SNTG1: variants seen among roughly 807,000 people sequenced by gnomAD.
SNTG1 encodes gamma-1-syntrophin.
Under a neutral mutation model 74.7 loss-of-function variants are expected in SNTG1, and 39 were observed. The observed-to-expected ratio is 0.52, with a 90% CI of 0.40 to 0.68. The LOEUF is 0.68. Among genes scored for constraint, SNTG1 ranks in the 30% least tolerant of loss-of-function variants. The pLI, the probability that SNTG1 is intolerant of heterozygous loss-of-function variation, is 0.00. For missense variants in SNTG1, 685 were observed against 609.5 expected (o/e 1.12, Z -1.30); for synonymous variants, 254 against 217.1 (o/e 1.17, Z -1.49).
intron 17 of SNTG1, among the ~76,000 whole-genome samples, chr8:50,716,782 G>C (rs1434958203): frequency 6.6e-6 from 1 of 151,160 alleles, no homozygotes; most frequent in African/African-American, 2.4e-5. Context: ...GCCCAGGCTG[G>C]AGTGCAGTGG....
chr8:50,745,010 G>C (rs1458601900), intron 17 of SNTG1, among the ~76,000 whole-genome samples: 1 of 151,964 alleles, frequency 6.6e-6, no homozygotes, highest in Admixed American at 6.6e-5. Context: ...TCTTTGCTAT[G>C]ACGCCGAAAG....
chr8:50,671,538 G>A (rs973611561), intron 15 of SNTG1, among the ~76,000 whole-genome samples: 4 of 152,096 alleles, frequency 2.6e-5, no homozygotes, highest in Non-Finnish European at 4.4e-5. Context: ...AAAAAGTCAG[G>A]AAACAACAGG....
At chr8:50,783,508 A>G (rs4363210) in intron 18 of SNTG1, among the ~76,000 whole-genome samples, 48,876 of 151,962 alleles carry the variant, frequency 0.32, 7,980 homozygotes, top group Middle Eastern at 0.44. Flanking sequence ...AGCCATGTGC[A>G]GGATATAATC....
intron 2 of SNTG1, among the ~76,000 whole-genome samples, chr8:50,242,938 T>C (rs1171474829): frequency 6.6e-6 from 1 of 152,094 alleles, no homozygotes; most frequent in African/African-American, 2.4e-5. Context: ...TGAAATTTTC[T>C]TTGATTCATG....
intron 2 of SNTG1, among the ~76,000 whole-genome samples, chr8:50,301,205 A>C (rs1232482489): frequency 6.6e-6 from 1 of 151,900 alleles, no homozygotes. Flanking sequence ...CTCACATTAC[A>C]CTCATGTCAT....
intron 2 of SNTG1, among the ~76,000 whole-genome samples, chr8:50,245,848 A>T (rs1401347917): frequency 6.6e-6 from 1 of 152,112 alleles, no homozygotes; most frequent in East Asian, 1.9e-4. Context: ...GTCTTGTGGT[A>T]GTCATTATGC....
At chr8:49,986,674 A>T (rs1275601994) in intron 1 of SNTG1, among the ~76,000 whole-genome samples, 2 of 150,168 alleles carry the variant, frequency 1.3e-5, no homozygotes, top group African/African-American at 4.9e-5. Context: ...GGAGTTGGAG[A>T]CCAGCCTGGG....
intron 4 of SNTG1, among the ~76,000 whole-genome samples, chr8:50,427,579 C>A (rs2131501992): frequency 6.6e-6 from 1 of 152,190 alleles, no homozygotes; most frequent in Non-Finnish European, 1.5e-5. Context: ...GTGCATACCA[C>A]CATGCTTAGC....
chr8:50,732,569 T>G (rs984261552), intron 17 of SNTG1, among the ~76,000 whole-genome samples: 1 of 152,022 alleles, frequency 6.6e-6, no homozygotes, highest in Non-Finnish European at 1.5e-5. Flanking sequence ...GTTTAACATA[T>G]TCCTTTACAT....
At chr8:50,576,703 C>A (rs1265325333) in intron 12 of SNTG1, among the ~76,000 whole-genome samples, 3 of 151,748 alleles carry the variant, frequency 2.0e-5, no homozygotes, top group Non-Finnish European at 2.9e-5. Flanking sequence ...GTATTTTATT[C>A]TCTTTGATAC....
At position 50,584,526 on chromosome 8, in the gene SNTG1, T is replaced by G; in HGVS notation, c.811-6353T>G. 1.3e-5 allele frequency among the ~76,000 whole-genome samples: 2 copies of G among 150,642 alleles called. 1 individual carries two copies. Among genetic ancestry groups the G allele is most frequent in the Non-Finnish European group, 3.0e-5 (2 of 67,530 alleles). ...TTTCTCTGATTCTTTTTTTTTTTTT[T>G]TTTTGACACGGTGTTTCGCACTGTC... is the stretch of plus-strand genomic sequence containing the variant. On this transcript the variant is annotated intron_variant, in intron 12 of 18. Coordinates refer to ENST00000642720, the MANE Select transcript of SNTG1 (RefSeq NM_018967.5).
chr8:50,125,460 T>C (rs2081108861), intron 1 of SNTG1, among the ~76,000 whole-genome samples: 1 of 142,504 alleles, frequency 7.0e-6, no homozygotes, highest in Non-Finnish European at 1.6e-5. Context: ...TTTTCTTTAT[T>C]TATGAGTGTG....
chr8:50,792,373 C>T (rs2095693502), intron 18 of SNTG1, among the ~76,000 whole-genome samples: 1 of 151,860 alleles, frequency 6.6e-6, no homozygotes, highest in African/African-American at 2.4e-5. Flanking sequence ...TTTAATTGTA[C>T]ATTATCAAGA....
At chr8:50,550,684 A>AGT (rs201370751) in intron 11 of SNTG1, among the ~76,000 whole-genome samples, 35 of 145,452 alleles carry the variant, frequency 2.4e-4, no homozygotes, top group African/African-American at 6.9e-4. Flanking sequence ...AATTTTTTTT[A>AGT]GTGTGTGTGT....
At chr8:50,781,312 T>G (rs1157631182) in intron 18 of SNTG1, among the ~76,000 whole-genome samples, 2 of 152,154 alleles carry the variant, frequency 1.3e-5, no homozygotes, top group South Asian at 4.1e-4. Context: ...GGTGTTAAAG[T>G]CTCCCATTAT....
chr8:50,307,339 G>A (rs929251082), intron 2 of SNTG1, among the ~76,000 whole-genome samples: 2 of 151,872 alleles, frequency 1.3e-5, no homozygotes, highest in South Asian at 4.1e-4. Flanking sequence ...TTTAAGCACT[G>A]TTCAACACAA....
chr8:50,139,627 A>T (rs919265771), intron 1 of SNTG1, among the ~76,000 whole-genome samples: 1 of 152,244 alleles, frequency 6.6e-6, no homozygotes, highest in African/African-American at 2.4e-5. Context: ...ACATCATTTG[A>T]TGTGTTATAG....
intron 10 of SNTG1, among the ~76,000 whole-genome samples, chr8:50,536,467 C>T (rs1055864858): frequency 6.6e-6 from 1 of 152,150 alleles, no homozygotes; most frequent in Non-Finnish European, 1.5e-5. Flanking sequence ...CTCAATGATT[C>T]CTTTCTTAAC....
chr8:50,151,957 G>T (rs1295163303), intron 1 of SNTG1, among the ~76,000 whole-genome samples: 8 of 152,046 alleles, frequency 5.3e-5, no homozygotes, highest in Non-Finnish European at 1.5e-5. Context: ...TCAATTCCTG[G>T]ATATCCTTGT....
Sources: allele counts gnomAD v4.1 joint callset (sites outside exome capture counted in the v4.1 genomes callset), GRCh38; gene constraint gnomAD v4.1.1; transcripts MANE v1.5; gene names NCBI Gene and HGNC (gene_info 2026-07-23, HGNC 2026-07-21).